LRRC4C: variants seen among roughly 807,000 people sequenced by gnomAD.
LRRC4C encodes the protein leucine-rich repeat-containing protein 4C.
In LRRC4C, 5 loss-of-function variants were observed where a neutral mutation model predicts 33.6. The observed-to-expected ratio is 0.15, with a 90% CI of 0.08 to 0.31. The LOEUF is 0.31. LRRC4C is among the 10% of genes least tolerant of loss of function. The pLI is 1.00. For synonymous variants in LRRC4C, 329 were observed against 302.0 expected (o/e 1.09, Z -0.93); for missense variants, 560 against 796.7 (o/e 0.70, Z 3.58).
At chr11:41,118,791 A>T (rs992393002) in intron 1 of LRRC4C, among the ~76,000 whole-genome samples, 47 of 152,190 alleles carry the variant, frequency 3.1e-4, no homozygotes, top group African/African-American at 1.1e-3. Context: ...GTGTTGTTAG[A>T]CAATAAATAG....
chr11:40,190,782 A>C (rs779112438), intron 5 of LRRC4C, among the ~76,000 whole-genome samples: 2 of 152,204 alleles, frequency 1.3e-5, no homozygotes, highest in African/African-American at 4.8e-5. Flanking sequence ...AGCCTGAGTC[A>C]GAGAATCTGG....
At chr11:41,104,788 C>T (rs1454552664) in intron 1 of LRRC4C, among the ~76,000 whole-genome samples, 1 of 151,888 alleles carries the variant, frequency 6.6e-6, no homozygotes, top group Non-Finnish European at 1.5e-5. Flanking sequence ...GAATAAAGTA[C>T]TGATTTCTGT....
intron 1 of LRRC4C, among the ~76,000 whole-genome samples, chr11:41,075,027 T>TTTTTATTTTTTA (rs1939023667): frequency 4.4e-4 from 45 of 102,962 alleles, no homozygotes; most frequent in East Asian, 1.3e-3. Flanking sequence ...TTTTTTTTTT[T>TTTTTATTTTTTA]TTTTTTTTTA....
At position 40,936,017 on chromosome 11, in the gene LRRC4C, TA is replaced by T. The variant is rs1957869155; in HGVS notation, c.-495-2295del. On this transcript the variant is annotated intron_variant, in intron 1 of 6. Transcript: ENST00000528697. Reference sequence around the variant, plus strand: ...ACTACTAAAAAGATGCCAAATTTTATATATATATATATATATATATATATAT... The same window carrying T: ...ACTACTAAAAAGATGCCAAATTTTATTATATATATATATATATATATATAT... Among the ~76,000 whole-genome samples, 5 of 12,222 alleles carry T rather than the reference TA, an allele frequency of 4.1e-4. No homozygotes were observed. The South Asian group carries it at 0.014, about 35-fold the overall frequency. The allele number at this position is 12,222 out of a possible 152,430, so 8.0% of individuals were successfully genotyped here.
chr11:40,396,030 C>T (rs1011584727), intron 3 of LRRC4C, among the ~76,000 whole-genome samples: 5 of 151,992 alleles, frequency 3.3e-5, no homozygotes, highest in African/African-American at 1.2e-4. Context: ...GACCTACACT[C>T]AGATATATTA....
intron 2 of LRRC4C, among the ~76,000 whole-genome samples, chr11:40,718,237 G>A (rs929738035): frequency 2.6e-5 from 4 of 152,186 alleles, no homozygotes; most frequent in African/African-American, 9.6e-5. Flanking sequence ...AATGTCTGAA[G>A]ACATTTGTTA....
chr11:40,533,445 G>A (rs1360374815), intron 3 of LRRC4C, among the ~76,000 whole-genome samples: 1 of 148,862 alleles, frequency 6.7e-6, no homozygotes, highest in African/African-American at 2.5e-5. Flanking sequence ...GTCTCTTTTT[G>A]CCTTTGATTT....
chr11:41,439,720 C>T (rs911408245), intron 1 of LRRC4C, among the ~76,000 whole-genome samples: 1 of 152,136 alleles, frequency 6.6e-6, no homozygotes, highest in Non-Finnish European at 1.5e-5. Flanking sequence ...CACTTTGTGG[C>T]AACTCATGGA....
At chr11:40,191,222 T>G (rs1380117121) in intron 5 of LRRC4C, among the ~76,000 whole-genome samples, 1 of 152,116 alleles carries the variant, frequency 6.6e-6, no homozygotes, top group Non-Finnish European at 1.5e-5. Flanking sequence ...CCACCTCTCA[T>G]AAACAGCACC....
chr11:40,547,133 AAATGTCTTTTCCCCAGGGCC>A (rs1565493131), intron 3 of LRRC4C, among the ~76,000 whole-genome samples: 1 of 151,368 alleles, frequency 6.6e-6, no homozygotes, highest in East Asian at 1.9e-4. Context: ...AGTTTTTCTA[AAATGTCTTTTCCCCAGGGCC>A]ATATCAGCCA....
At chr11:41,118,212 T>C (rs1942239667) in intron 1 of LRRC4C, among the ~76,000 whole-genome samples, 1 of 152,194 alleles carries the variant, frequency 6.6e-6, no homozygotes, top group Non-Finnish European at 1.5e-5. Context: ...TGAAGCACAA[T>C]GCTGTTTTTC....
chr11:40,778,474 A>G (rs1408770622), intron 2 of LRRC4C, among the ~76,000 whole-genome samples: 1 of 152,238 alleles, frequency 6.6e-6, no homozygotes, highest in African/African-American at 2.4e-5. Flanking sequence ...AATTGGGATT[A>G]GAATACAGGT....
At chr11:40,262,266 A>T (rs1320457236) in intron 4 of LRRC4C, among the ~76,000 whole-genome samples, 1 of 152,146 alleles carries the variant, frequency 6.6e-6, no homozygotes, top group Non-Finnish European at 1.5e-5. Context: ...AACGCAAATC[A>T]AAACAAGATT....
intron 1 of LRRC4C, among the ~76,000 whole-genome samples, chr11:41,345,184 T>A (rs1395567562): frequency 1.3e-5 from 2 of 152,180 alleles, no homozygotes; most frequent in East Asian, 3.8e-4. Flanking sequence ...TTTCTCTTTT[T>A]AACTAAATTT....
intron 1 of LRRC4C, among the ~76,000 whole-genome samples, chr11:41,177,354 A>G (rs1380941282): frequency 1.3e-5 from 2 of 152,206 alleles, no homozygotes; most frequent in Non-Finnish European, 2.9e-5. Flanking sequence ...TTTGGAAGGA[A>G]AATGGAGATA....
intron 1 of LRRC4C, among the ~76,000 whole-genome samples, chr11:40,988,092 A>G (rs1051943731): frequency 6.6e-6 from 1 of 152,106 alleles, no homozygotes; most frequent in Non-Finnish European, 1.5e-5. Flanking sequence ...CTCTATAGAT[A>G]TACTGGCTCC....
chr11:40,521,188 T>C (rs1263396429), intron 3 of LRRC4C, among the ~76,000 whole-genome samples: 9 of 152,188 alleles, frequency 5.9e-5, no homozygotes, highest in Non-Finnish European at 1.2e-4. Flanking sequence ...ATGCTAGCTC[T>C]GATAAAAAAG....
chr11:41,214,995 A>T (rs1481686890), intron 1 of LRRC4C, among the ~76,000 whole-genome samples: 2 of 136,500 alleles, frequency 1.5e-5, no homozygotes, highest in Non-Finnish European at 3.1e-5. Flanking sequence ...TTCATTCTCA[A>T]TTTCTATTTT....
At chr11:40,556,795 T>A (rs531658103) in intron 3 of LRRC4C, among the ~76,000 whole-genome samples, 52 of 152,298 alleles carry the variant, frequency 3.4e-4, no homozygotes, top group African/African-American at 1.2e-3. Context: ...TGCAAGAGAT[T>A]AAAAATCAAA....
Sources: gnomAD v4.1 joint callset for allele counts (sites outside exome capture counted in the v4.1 genomes callset) on GRCh38, gnomAD v4.1.1 for gene constraint, MANE v1.5 for transcripts, NCBI Gene and HGNC (gene_info 2026-07-23, HGNC 2026-07-21) for gene names.